Variants in DHCR7 observed in about 807,000 individuals in gnomAD.
DHCR7 encodes the protein 7-DHC reductase.
Under a neutral mutation model 43.3 loss-of-function variants are expected in DHCR7, and 40 were observed. The ratio of observed to expected loss-of-function variants is 0.92; its 90% CI spans 0.72 to 1.20. DHCR7 has a LOEUF of 1.20. DHCR7 is among the 50% of genes most tolerant of loss of function. DHCR7 has a pLI of 0.00. For missense variants in DHCR7, 608 were observed against 644.6 expected (o/e 0.94, Z 0.62); for synonymous variants, 298 against 271.4 (o/e 1.10, Z -0.96).
At chr11:71,429,911 C>T (rs117540282), downstream of DHCR7, among the ~76,000 whole-genome samples, 174 of 152,318 alleles carry the variant, frequency 1.1e-3, 2 homozygotes, top group East Asian at 9.1e-3. Context: ...AGCTGGTCCA[C>T]GTCTGTGGCT....
rs781324286 is a variant in DHCR7, at chr11:71,441,219, G to A, written c.626+8C>T. 1 of 1,613,914 alleles carries A rather than the reference G, an allele frequency of 6.2e-7. No homozygotes were observed. Among genetic ancestry groups the A allele is most frequent in the South Asian group, 1.1e-5 (1 of 91,060 alleles). On this transcript the variant is annotated splice_region_variant and intron_variant, in intron 6 of 8. Coordinates refer to ENST00000355527, the MANE Select transcript of DHCR7 (RefSeq NM_001360.3). ...TACATCAGGCTGGACCCGCTGCTAA[G>A]AACATACCAGTCTCTGGCGCTGGTG...
intron 6 of DHCR7, among the ~76,000 whole-genome samples, chr11:71,439,721 T>C (rs1949328758): frequency 6.6e-6 from 1 of 152,158 alleles, no homozygotes; most frequent in African/African-American, 2.4e-5. Context: ...ACACAACAAT[T>C]TCTGTGTTAA....
rs1057516610 is a variant in DHCR7 at position 71,435,812 on chromosome 11, G to C, written c.991C>G (p.Gln331Glu). 1.2e-6 allele frequency: 2 copies of C among 1,604,966 alleles called. No homozygotes were observed. Among genetic ancestry groups the C allele is most frequent in the African/African-American group, 1.3e-5 (1 of 74,840 alleles). ...QGLYLVYHPV[Q>E]LSTPHAVGVL... ...CCCACGGCGTGCGGGGTGGACAGCTGCACGGGGTGGTACACCAAGTACAGA... is the reference window on the plus strand; with the variant it reads ...CCCACGGCGTGCGGGGTGGACAGCTCCACGGGGTGGTACACCAAGTACAGA... Residue 331 changes from glutamine to glutamate, a missense_variant, in exon 9 of 9, where the codon CAG (glutamine) becomes GAG (glutamate). Coordinates refer to ENST00000355527, the MANE Select transcript of DHCR7 (RefSeq NM_001360.3).
Position 71,446,940 on chromosome 11 carries a change from C to T in DHCR7, c.-7+670G>A, listed in dbSNP as rs144962567. Among the ~76,000 whole-genome samples, 744 of 152,334 alleles carry T rather than the reference C, an allele frequency of 4.9e-3. 5 individuals carry two copies. Among genetic ancestry groups the T allele is most frequent in the Non-Finnish European group, 7.5e-3 (509 of 68,026 alleles). On this transcript the variant is annotated intron_variant, in intron 2 of 8. Transcript: ENST00000355527. ...AAGCTGACACGCTAGTGAGTCTGAT[C>T]TCAAGATCACAGCCACCTGGACAAG...
intron 3 of DHCR7, 32 bp downstream of exon 3, chr11:71,444,823 T>C: frequency 1.3e-6 from 2 of 1,594,064 alleles, no homozygotes; most frequent in East Asian, 2.2e-5. Context: ...CACACTTTAC[T>C]TTCTAGCTGG....
At chr11:71,445,353 T>C (rs961557088) in intron 2 of DHCR7, among the ~76,000 whole-genome samples, 1 of 152,236 alleles carries the variant, frequency 6.6e-6, no homozygotes, top group Non-Finnish European at 1.5e-5. Flanking sequence ...TCTGTGGCAC[T>C]GACTTCCTCT....
downstream of DHCR7, among the ~76,000 whole-genome samples, chr11:71,430,350 G>C (rs542363070): frequency 6.6e-6 from 1 of 152,212 alleles, no homozygotes; most frequent in Non-Finnish European, 1.5e-5. Context: ...TGTGGGATCC[G>C]GCCGGCCATT....
chr11:71,435,087 A>G lies in DHCR7; in HGVS notation c.*288T>C. 2 of 620,712 alleles carry G rather than the reference A, an allele frequency of 3.2e-6. No individual in the cohort carries two copies. Among genetic ancestry groups the G allele is most frequent in the South Asian group, 3.0e-5 (2 of 66,048 alleles). The allele number at this position is 620,712 out of a possible 1,614,324, so 38.5% of individuals were successfully genotyped here. On this transcript the variant is annotated 3_prime_UTR_variant, in exon 9 of 9. Coordinates refer to ENST00000355527, the MANE Select transcript of DHCR7 (RefSeq NM_001360.3). ...TCCTAATACAGGTAAATTGTCTCCA[A>G]AGGACTAGTAAAGGTGACTGGGTCA...
chr11:71,434,194 C>T (rs1198438545), downstream of DHCR7, among the ~76,000 whole-genome samples: 1 of 152,244 alleles, frequency 6.6e-6, no homozygotes, highest in Non-Finnish European at 1.5e-5. Flanking sequence ...CCACATTCAA[C>T]CCAAAAACAG....
chr11:71,432,022 C>T (rs773945645), downstream of DHCR7, among the ~76,000 whole-genome samples: 5 of 152,200 alleles, frequency 3.3e-5, no homozygotes, highest in Non-Finnish European at 5.9e-5. Flanking sequence ...GATGGGGTTT[C>T]GCCATGTTGC....
intron 8 of DHCR7, 121 bp from the exon 9 acceptor site, chr11:71,435,960 C>T (rs2135940333): frequency 1.3e-6 from 1 of 785,004 alleles, no homozygotes; most frequent in Admixed American, 2.1e-5. Context: ...CACGCCTTGC[C>T]TCCGTGTTCT....
rs775407178 is a variant in DHCR7 at position 71,442,342 on chromosome 11, G to A, written c.333C>T (p.Tyr111=). The part of the protein sequence containing the change: ...TLWVTFQVLL[Y]TSLPDFCHKF... ...TATGGCAGAAGTCAGGGAGAGACGT[G>A]TACAGAAGCACCTGAAACACACAAG... is the stretch of plus-strand genomic sequence containing the variant. Residue 111 remains tyrosine (Y), a synonymous_variant, in exon 5 of 9, where the codon TAC becomes TAT. Coordinates refer to ENST00000355527, the MANE Select transcript of DHCR7 (RefSeq NM_001360.3). 6.2e-7 allele frequency: 1 copy of A among 1,613,756 alleles called. No homozygotes were observed. Among genetic ancestry groups the A allele is most frequent in the Non-Finnish European group, 8.5e-7 (1 of 1,179,838 alleles).
rs548729585 is a variant in DHCR7 at position 71,441,897 on chromosome 11, G to A, written c.412+366C>T. Among the ~76,000 whole-genome samples, 28 of 152,328 alleles carry A rather than the reference G, an allele frequency of 1.8e-4. No individual in the cohort carries two copies. The East Asian group carries it at 2.7e-3, about 15-fold the overall frequency. On this transcript the variant is annotated intron_variant, in intron 5 of 8. Coordinates refer to ENST00000355527, the MANE Select transcript of DHCR7 (RefSeq NM_001360.3). The stretch of plus-strand genomic sequence containing the variant: ...TGAGAGGCACAAAGCCAGGCTCCTC[G>A]TGGGTTCTCAATGATGGCAAGGAAT...
chr11:71,443,378 C>T (rs1432825132), intron 4 of DHCR7, among the ~76,000 whole-genome samples: 2 of 152,142 alleles, frequency 1.3e-5, no homozygotes, highest in East Asian at 1.9e-4. Context: ...GAAGGAAAAC[C>T]CAGGCCTGTC....
intron 5 of DHCR7, among the ~76,000 whole-genome samples, 159 bp from the exon 6 acceptor site, chr11:71,441,599 T>C (rs1226767258): frequency 2.6e-5 from 4 of 152,110 alleles, no homozygotes; most frequent in African/African-American, 9.7e-5. Flanking sequence ...GAGGCCCCTA[T>C]ACCCTTGGCC....
Position 71,447,590 on chromosome 11 carries a change from G to A in DHCR7, c.-7+20C>T, listed in dbSNP as rs1056132089. ...AGCCATAGCCTGCGCCCACGATCCA[G>A]GGCACTGAGATACACTTACCTCCAG... On this transcript the variant is annotated intron_variant, in intron 2 of 8. Coordinates refer to ENST00000355527, the MANE Select transcript of DHCR7 (RefSeq NM_001360.3). The A allele has an allele frequency of 3.3e-5, 5 of 152,134 alleles. No individual in the cohort carries two copies. Among genetic ancestry groups the A allele is most frequent in the African/African-American group, 1.2e-4 (5 of 41,412 alleles). 9.4% of individuals were successfully genotyped at this position (152,134 alleles called of 1,614,324 possible).
chr11:71,433,450 C>G (rs113757803), downstream of DHCR7, among the ~76,000 whole-genome samples: 1 of 152,222 alleles, frequency 6.6e-6, no homozygotes, highest in East Asian at 1.9e-4. Context: ...CAAAGCTGCT[C>G]AAACAGAAAC....
At position 71,441,214 on chromosome 11, in the gene DHCR7, G is replaced by A; in HGVS notation, c.626+13C>T. On this transcript the variant is annotated intron_variant, in intron 6 of 8. Transcript: ENST00000355527. ...CTTTCTACATCAGGCTGGACCCGCT[G>A]CTAAGAACATACCAGTCTCTGGCGC... is the stretch of plus-strand genomic sequence containing the variant. The A allele has an allele frequency of 6.2e-7, 1 of 1,613,684 alleles. No individual in the cohort carries two copies. The highest frequency in any genetic ancestry group is 8.5e-7 in the Non-Finnish European group (1 of 1,179,556).
chr11:71,431,861 G>T (rs1196235062), downstream of DHCR7, among the ~76,000 whole-genome samples: 3 of 151,936 alleles, frequency 2.0e-5, no homozygotes, highest in Non-Finnish European at 4.4e-5. Context: ...TTGCTCTGTT[G>T]GCCCAGGCTG....
Sources: allele counts gnomAD v4.1 joint callset (sites outside exome capture counted in the v4.1 genomes callset), GRCh38; gene constraint gnomAD v4.1.1; transcripts MANE v1.5; gene names NCBI Gene and HGNC (gene_info 2026-07-23, HGNC 2026-07-21).